Variants in FHIT observed in about 807,000 individuals in gnomAD.
FHIT encodes the protein fragile histidine triad diadenosine triphosphatase.
Under a neutral mutation model 17.9 loss-of-function variants are expected in FHIT, and 19 were observed. The ratio of observed to expected loss-of-function variants is 1.06; its 90% confidence interval spans 0.74 to 1.56. FHIT has a LOEUF of 1.56. Among genes scored for constraint, FHIT ranks in the 40% most tolerant of loss-of-function variants. The pLI is 0.00. For synonymous variants in FHIT, 81 were observed against 69.7 expected (o/e 1.16, Z -0.81); for missense variants, 248 against 189.2 (o/e 1.31, Z -1.82).
intron 2 of FHIT, among the ~76,000 whole-genome samples, chr3:61,099,941 T>C (rs1409570317): frequency 2.0e-5 from 3 of 152,180 alleles, no homozygotes; most frequent in African/African-American, 7.2e-5. Context: ...ACCAGGAATG[T>C]ATGAAGGTTC....
At chr3:59,807,120 G>C (rs1700234706) in intron 8 of FHIT, among the ~76,000 whole-genome samples, 2 of 152,116 alleles carry the variant, frequency 1.3e-5, no homozygotes, top group Non-Finnish European at 2.9e-5. Flanking sequence ...TTCTCTATGA[G>C]AGCAAAATAA....
chr3:60,763,021 C>T (rs1189105094), intron 4 of FHIT, among the ~76,000 whole-genome samples: 3 of 152,158 alleles, frequency 2.0e-5, no homozygotes, highest in Non-Finnish European at 2.9e-5. Flanking sequence ...GGTTTCTGTT[C>T]ACTGAAACTG....
chr3:60,128,028 T>C (rs1490269300), intron 5 of FHIT, among the ~76,000 whole-genome samples: 2 of 152,232 alleles, frequency 1.3e-5, no homozygotes, highest in African/African-American at 4.8e-5. Flanking sequence ...ATTTTGCATG[T>C]ATATGCATGG....
intron 5 of FHIT, among the ~76,000 whole-genome samples, chr3:60,507,249 GT>G (rs1320951609): frequency 6.6e-6 from 1 of 152,048 alleles, no homozygotes; most frequent in African/African-American, 2.4e-5. Flanking sequence ...AAACATTCCA[GT>G]CAAGAGAGAA....
chr3:61,068,488 G>A (rs1401444933), intron 2 of FHIT, among the ~76,000 whole-genome samples: 1 of 152,140 alleles, frequency 6.6e-6, no homozygotes, highest in Non-Finnish European at 1.5e-5. Flanking sequence ...ATTGCAGCCT[G>A]AAAAGGTTCT....
intron 5 of FHIT, among the ~76,000 whole-genome samples, chr3:60,285,901 C>G (rs1407839143): frequency 6.6e-6 from 1 of 152,160 alleles, no homozygotes; most frequent in Non-Finnish European, 1.5e-5. Flanking sequence ...AGATACATTT[C>G]AATTATTTTC....
chr3:60,480,681 T>C (rs1278718934), intron 5 of FHIT, among the ~76,000 whole-genome samples: 1 of 152,162 alleles, frequency 6.6e-6, no homozygotes, highest in African/African-American at 2.4e-5. Flanking sequence ...AGCTCCAAAA[T>C]GATCTCCTCT....
chr3:60,346,154 C>G, intron 5 of FHIT, among the ~76,000 whole-genome samples: 1 of 152,174 alleles, frequency 6.6e-6, no homozygotes, highest in East Asian at 1.9e-4. Context: ...ACAGTGACTC[C>G]TTAGAGAGTC....
chr3:60,718,137 C>T (rs782174196), intron 4 of FHIT, among the ~76,000 whole-genome samples: 1 of 152,114 alleles, frequency 6.6e-6, no homozygotes, highest in Non-Finnish European at 1.5e-5. Flanking sequence ...TGAATGCTTA[C>T]TAAACATAGT....
At chr3:59,793,168 A>G (rs939365295) in intron 8 of FHIT, among the ~76,000 whole-genome samples, 12 of 152,150 alleles carry the variant, frequency 7.9e-5, no homozygotes, top group African/African-American at 2.9e-4. Flanking sequence ...CCCCTTAAAA[A>G]TTCACCTACA....
intron 5 of FHIT, among the ~76,000 whole-genome samples, chr3:60,506,229 T>G (rs117969510): frequency 1.3e-5 from 2 of 152,286 alleles, no homozygotes; most frequent in East Asian, 3.9e-4. Context: ...CACACATGGT[T>G]GATGTCTATT....
intron 7 of FHIT, among the ~76,000 whole-genome samples, chr3:59,998,810 G>A (rs1699618022): frequency 6.6e-6 from 1 of 152,106 alleles, no homozygotes; most frequent in Non-Finnish European, 1.5e-5. Flanking sequence ...CATATTTCCA[G>A]TTTATTTCTG....
intron 3 of FHIT, among the ~76,000 whole-genome samples, chr3:60,897,916 A>G (rs1476247348): frequency 1.3e-5 from 2 of 152,224 alleles, no homozygotes; most frequent in African/African-American, 4.8e-5. Context: ...CACCAATAGT[A>G]TACTTTATTG....
chr3:61,074,750 T>C (rs1337658068), intron 2 of FHIT, among the ~76,000 whole-genome samples: 1 of 152,174 alleles, frequency 6.6e-6, no homozygotes. Context: ...TGAGCCTTGA[T>C]CATAAATGGG....
intron 8 of FHIT, among the ~76,000 whole-genome samples, chr3:59,759,710 G>C (rs925065605): frequency 6.6e-6 from 1 of 152,044 alleles, no homozygotes; most frequent in African/African-American, 2.4e-5. Context: ...CCCTGGCACT[G>C]TCCTTTCAGT....
chr3:60,144,518 A>G (rs1700158494), intron 5 of FHIT, among the ~76,000 whole-genome samples: 1 of 152,198 alleles, frequency 6.6e-6, no homozygotes. Context: ...GCAAAATTAG[A>G]ACAGGTAAAC....
intron 4 of FHIT, among the ~76,000 whole-genome samples, chr3:60,678,100 C>T (rs535601146): frequency 2.0e-5 from 3 of 152,188 alleles, no homozygotes; most frequent in Admixed American, 6.5e-5. Flanking sequence ...TTTCAAAAAA[C>T]CAACTTTTTG....
At chr3:60,839,761 G>A (rs74478920) in intron 3 of FHIT, among the ~76,000 whole-genome samples, 2,707 of 152,084 alleles carry the variant, frequency 0.018, 37 homozygotes, top group South Asian at 0.043. Context: ...CCCCTTAGAA[G>A]CATCTAGAGT....
intron 4 of FHIT, among the ~76,000 whole-genome samples, chr3:60,548,835 A>AT (rs1469990253): frequency 3.3e-5 from 5 of 152,220 alleles, no homozygotes; most frequent in African/African-American, 9.6e-5. Context: ...TTCTCAAAAA[A>AT]CAAATTCCTA....
Sources: gnomAD v4.1 joint callset for allele counts (sites outside exome capture counted in the v4.1 genomes callset) on GRCh38, gnomAD v4.1.1 for gene constraint, MANE v1.5 for transcripts, NCBI Gene and HGNC (gene_info 2026-07-23, HGNC 2026-07-21) for gene names.